ZRANB1: variants seen among roughly 807,000 people sequenced by gnomAD.
The protein encoded by ZRANB1 is ubiquitin thioesterase ZRANB1.
Under a neutral mutation model 80.5 loss-of-function variants are expected in ZRANB1, and 16 were observed. The ratio of observed to expected loss-of-function variants is 0.20; its 90% CI spans 0.13 to 0.30. The LOEUF (loss-of-function observed/expected upper bound fraction) is 0.30, where lower values mean the gene tolerates loss of function less well. Among genes scored for constraint, ZRANB1 ranks in the 10% least tolerant of loss-of-function variants. ZRANB1 has a pLI of 1.00. For synonymous variants in ZRANB1, 291 were observed against 293.1 expected, an observed-to-expected ratio of 0.99 and a Z score of 0.07; for missense variants, 576 against 862.6, an observed-to-expected ratio of 0.67 and a Z score of 4.16.
chr10:124,984,115 C>T (rs1951972739), intron 8 of ZRANB1, among the ~76,000 whole-genome samples: 1 of 152,012 alleles, frequency 6.6e-6, no homozygotes, highest in African/African-American at 2.4e-5. Context: ...TCATTGAAGG[C>T]TTTTTAAAGC....
At position 124,983,446 on chromosome 10, in the gene ZRANB1, CCT is replaced by C. The variant is rs1180034356; in HGVS notation, c.1679-8_1679-7del. On this transcript the variant is annotated splice_polypyrimidine_tract_variant and intron_variant, in intron 7 of 8. Coordinates refer to ENST00000359653, the MANE Select transcript of ZRANB1 (RefSeq NM_017580.3). This position sits in a 1 kb window ranked among gnomAD's most constrained non-coding sequence, Gnocchi z 6.2. Reference sequence around the variant, plus strand: ...TCCTGTGACTGTTGGGATTTTCTTCCCTCTCTTTCCAGGTGTTTATCTGCCTT... The same window carrying C: ...TCCTGTGACTGTTGGGATTTTCTTCCCTCTTTCCAGGTGTTTATCTGCCTT... The C allele has an allele frequency of 1.2e-6, 2 of 1,602,764 alleles. No individual in the cohort carries two copies. The highest frequency in any genetic ancestry group is 8.5e-7 in the Non-Finnish European group (1 of 1,171,982).
intron 2 of ZRANB1, among the ~76,000 whole-genome samples, chr10:124,969,366 A>G (rs1278123597): frequency 6.6e-6 from 1 of 152,174 alleles, no homozygotes; most frequent in Admixed American, 6.5e-5. Context: ...TGGAGTAAAT[A>G]CTCCAAAGGA....
upstream of ZRANB1, among the ~76,000 whole-genome samples, chr10:124,938,800 G>T (rs987116796): frequency 6.6e-6 from 1 of 150,856 alleles, no homozygotes; most frequent in Admixed American, 6.6e-5. Flanking sequence ...TTGAACTCCT[G>T]TACTCAAATG....
At chr10:124,940,936 C>A (rs928948678), upstream of ZRANB1, among the ~76,000 whole-genome samples, 3 of 151,946 alleles carry the variant, frequency 2.0e-5, no homozygotes, top group Non-Finnish European at 4.4e-5. Flanking sequence ...TAGATTGCAC[C>A]ACTCCACTGC....
the ZRANB1 span, among the ~76,000 whole-genome samples, chr10:124,933,838 G>A: frequency 6.6e-6 from 1 of 152,214 alleles, no homozygotes; most frequent in South Asian, 2.1e-4. Context: ...TGTTACGATT[G>A]AGGAACTGAA....
upstream of ZRANB1, among the ~76,000 whole-genome samples, chr10:124,937,439 G>A (rs1431846930): frequency 6.6e-6 from 1 of 151,492 alleles, no homozygotes; most frequent in African/African-American, 2.4e-5. Flanking sequence ...ACCCGCCTCG[G>A]CCTCCCAAAG....
intron 1 of ZRANB1, among the ~76,000 whole-genome samples, chr10:124,954,547 A>G (rs946272486): frequency 6.8e-6 from 1 of 148,128 alleles, no homozygotes; most frequent in Non-Finnish European, 1.5e-5. Context: ...TTCTGGGTTC[A>G]CACAATCCTC....
chr10:124,974,090 G>T, intron 4 of ZRANB1, 110 bp from the exon 5 acceptor site: 1 of 1,059,316 alleles, frequency 9.4e-7, no homozygotes, highest in Non-Finnish European at 1.4e-6. Context: ...GTGTTTATTG[G>T]TAAATTACAT....
At chr10:124,981,348 T>C (rs563395202) in intron 5 of ZRANB1, 6 of 174,370 alleles carry the variant, frequency 3.4e-5, no homozygotes, top group African/African-American at 1.2e-4. Flanking sequence ...GTACTATACA[T>C]TGATAGAGAA....
chr10:124,972,761 G>GT (rs1951837901), intron 3 of ZRANB1, among the ~76,000 whole-genome samples: 1 of 150,996 alleles, frequency 6.6e-6, no homozygotes, highest in Non-Finnish European at 1.5e-5. Flanking sequence ...TCTGAGATCT[G>GT]TTTGTTTTGT....
chr10:124,981,657 T>C (rs1951935033), intron 5 of ZRANB1, 52 bp from the exon 6 acceptor site: 1 of 1,468,678 alleles, frequency 6.8e-7, no homozygotes, highest in Non-Finnish European at 9.2e-7. Context: ...ACTTTAAATG[T>C]TTTATTTATA....
intron 1 of ZRANB1, among the ~76,000 whole-genome samples, chr10:124,944,110 A>G (rs964599895): frequency 4.6e-5 from 7 of 152,194 alleles, no homozygotes; most frequent in Admixed American, 3.9e-4. Flanking sequence ...AGGAGAGCAG[A>G]GTTTTTCTTC....
chr10:124,949,515 ACACACAC>A (rs1202506238), intron 1 of ZRANB1, among the ~76,000 whole-genome samples: 7 of 110,732 alleles, frequency 6.3e-5, no homozygotes, highest in East Asian at 5.6e-4. Context: ...ACACACACAC[ACACACAC>A]ATTTTTTTTT....
chr10:124,973,741 A>G (rs754979966), intron 4 of ZRANB1, 25 bp downstream of exon 4: 7 of 1,597,688 alleles, frequency 4.4e-6, no homozygotes, highest in Non-Finnish European at 6.0e-6. Flanking sequence ...AATGAGTATA[A>G]TTTACCTTTC....
intron 1 of ZRANB1, 59 bp from the exon 2 acceptor site, chr10:124,966,535 T>G: frequency 6.5e-7 from 1 of 1,536,548 alleles, no homozygotes; most frequent in Non-Finnish European, 8.9e-7. Context: ...ATTGCTACGG[T>G]TTGTGTTTTT....
the ZRANB1 span, among the ~76,000 whole-genome samples, chr10:124,932,438 C>T: frequency 1.1e-4 from 17 of 152,012 alleles, no homozygotes; most frequent in East Asian, 3.9e-4. Flanking sequence ...TACAGGTACC[C>T]GCCACCGCAC....
chr10:124,919,658 C>G, the ZRANB1 span, among the ~76,000 whole-genome samples: 2 of 143,282 alleles, frequency 1.4e-5, no homozygotes, highest in Non-Finnish European at 3.0e-5. Flanking sequence ...GTCACCCAGG[C>G]TGAATTGCAG....
Position 124,942,346 on chromosome 10 carries a change from G to A in ZRANB1, c.-148G>A, listed in dbSNP as rs2134241058. ...ATAATTCAATGTCGAAATGTTGCATGCATCTTTTGAGAAATTTATATTTTG... is the reference window on the plus strand; with the variant it reads ...ATAATTCAATGTCGAAATGTTGCATACATCTTTTGAGAAATTTATATTTTG... On this transcript the variant is annotated 5_prime_UTR_variant, in exon 1 of 9. An upstream start codon of the reference 5' UTR is lost. Transcript: ENST00000359653. 1.4e-6 allele frequency: 2 copies of A among 1,439,086 alleles called. No individual in the cohort carries two copies. The highest frequency in any genetic ancestry group is 2.4e-4 in the Middle Eastern group (1 of 4,114). The allele number at this position is 1,439,086 out of a possible 1,614,324, so 89.1% of individuals were successfully genotyped here.
At position 124,983,620 on chromosome 10, in the gene ZRANB1, A is replaced by G. The variant is rs746993177; in HGVS notation, c.1840A>G (p.Ile614Val). ...ANLNTDDDVTITFLPLVDSER... is the reference protein window; with the variant it reads ...ANLNTDDDVTVTFLPLVDSER... Reference sequence around the variant, plus strand: ...TCTCAATACCGATGATGATGTCACCATCACATTTTTGCCTCTGGTTGACAG... The same window carrying G: ...TCTCAATACCGATGATGATGTCACCGTCACATTTTTGCCTCTGGTTGACAG... Residue 614 changes from isoleucine to valine, a missense_variant, in exon 8 of 9, where the codon ATC (isoleucine) becomes GTC (valine). Ile to Val is a conservative substitution (Grantham distance 29). Around this residue, in one of 3 missense-constraint regions of ZRANB1, gnomAD observed 152 missense variants for 221.9 expected, o/e 0.69. Transcript: ENST00000359653. This position sits in a 1 kb window ranked among gnomAD's most constrained non-coding sequence, Gnocchi z 6.2. The G allele has an allele frequency of 6.2e-6, 10 of 1,613,652 alleles. No homozygotes were observed. Among genetic ancestry groups the G allele is most frequent in the East Asian group, 2.2e-5 (1 of 44,890 alleles).
Sources: allele counts gnomAD v4.1 joint callset (sites outside exome capture counted in the v4.1 genomes callset), GRCh38; gene constraint gnomAD v4.1.1; regional missense constraint gnomAD v4.1.1; non-coding constraint Gnocchi (gnomAD v3.1); transcripts MANE v1.5; gene names NCBI Gene and HGNC (gene_info 2026-07-23, HGNC 2026-07-21).